PRELID2: variants seen among roughly 807,000 people sequenced by gnomAD.
PRELID2 encodes PRELI domain-containing protein 2.
PRELID2 carries 25 observed loss-of-function variants against 28.4 expected under a neutral mutation model. The observed-to-expected ratio is 0.88, with a 90% CI of 0.64 to 1.23. PRELID2 has a LOEUF of 1.23. Ranked by LOEUF, PRELID2 falls within the 50% of genes most tolerant of loss-of-function variation. The pLI is 0.00. For synonymous variants in PRELID2, 76 were observed against 71.6 expected, an observed-to-expected ratio of 1.06 and a Z score of -0.31; for missense variants, 201 against 214.4, an observed-to-expected ratio of 0.94 and a Z score of 0.39.
downstream of PRELID2, among the ~76,000 whole-genome samples, chr5:145,468,065 G>A (rs1004803899): frequency 5.3e-5 from 8 of 151,680 alleles, no homozygotes; most frequent in African/African-American, 9.7e-5. Context: ...ATCCCTCCCC[G>A]CTCTCCCAAC....
intron 1 of PRELID2, among the ~76,000 whole-genome samples, chr5:145,694,478 T>C (rs1203378013): frequency 1.3e-5 from 2 of 152,198 alleles, no homozygotes; most frequent in African/African-American, 4.8e-5. Context: ...TAAAACACCA[T>C]GTTTAAAAAG....
At chr5:145,367,582 C>T in the PRELID2 span, among the ~76,000 whole-genome samples, 1 of 151,850 alleles carries the variant, frequency 6.6e-6, no homozygotes, top group Non-Finnish European at 1.5e-5. Flanking sequence ...AGTTTTATTG[C>T]ACTAAAAATC....
chr5:145,459,830 G>C, the PRELID2 span, among the ~76,000 whole-genome samples: 4 of 83,158 alleles, frequency 4.8e-5, no homozygotes, highest in African/African-American at 2.1e-4. Flanking sequence ...TTTTTTTTTT[G>C]ACAGAGTCTT....
chr5:145,299,997 T>C, the PRELID2 span, among the ~76,000 whole-genome samples: 6 of 152,122 alleles, frequency 3.9e-5, no homozygotes, highest in African/African-American at 1.4e-4. Flanking sequence ...CTTTTTTCAT[T>C]TCATTATGAA....
rs566066535 is a variant in PRELID2 at position 145,762,658 on chromosome 5, G to A, written c.*11-2133C>T. Among the ~76,000 whole-genome samples, 202 of 152,238 alleles carry A rather than the reference G, an allele frequency of 1.3e-3. 6 individuals carry two copies. In the South Asian group the frequency reaches 0.038, roughly 28 times the overall value. ...TTAAATCCAAACTGATTTAAAGTAC[G>A]AGTTGATGTGAATCTCACCTCCCCT... is the stretch of plus-strand genomic sequence containing the variant. On this transcript the variant is annotated intron_variant, in intron 6 of 6. Coordinates refer to ENST00000683046, the MANE Select transcript of PRELID2 (RefSeq NM_205846.3).
At chr5:145,423,116 G>C in the PRELID2 span, among the ~76,000 whole-genome samples, 58 of 152,036 alleles carry the variant, frequency 3.8e-4, no homozygotes, top group African/African-American at 1.3e-3. Context: ...CTGTTAGTCT[G>C]ATGGGCTTCC....
At chr5:145,770,988 A>G (rs1256908401) in intron 5 of PRELID2, among the ~76,000 whole-genome samples, 1 of 152,180 alleles carries the variant, frequency 6.6e-6, no homozygotes, top group Non-Finnish European at 1.5e-5. Context: ...AAGGGTTTAT[A>G]AATCTGTAGT....
the PRELID2 span, among the ~76,000 whole-genome samples, chr5:145,391,357 C>T: frequency 2.0e-5 from 3 of 152,196 alleles, no homozygotes; most frequent in Admixed American, 1.3e-4. Context: ...GGGTTTGCAC[C>T]CTCTGAAGCA....
intron 1 of PRELID2, among the ~76,000 whole-genome samples, chr5:145,664,602 CTT>C (rs1754554037): frequency 6.6e-6 from 1 of 152,098 alleles, no homozygotes; most frequent in Non-Finnish European, 1.5e-5. Flanking sequence ...TAATCTAACT[CTT>C]TGAGCCAGCA....
intron 5 of PRELID2, among the ~76,000 whole-genome samples, chr5:145,788,280 T>C (rs904259444): frequency 6.6e-6 from 1 of 152,240 alleles, no homozygotes; most frequent in Admixed American, 6.5e-5. Flanking sequence ...TCAAGGCCTA[T>C]TAAAAGCTAA....
chr5:145,473,813 A>T (rs1201220734), intron 1 of PRELID2, among the ~76,000 whole-genome samples: 1 of 152,196 alleles, frequency 6.6e-6, no homozygotes, highest in Non-Finnish European at 1.5e-5. Flanking sequence ...TCTTATCTGT[A>T]AAATAAGTTT....
At chr5:145,519,022 T>C (rs1389784639) in intron 1 of PRELID2, among the ~76,000 whole-genome samples, 3 of 152,228 alleles carry the variant, frequency 2.0e-5, no homozygotes, top group African/African-American at 7.2e-5. Context: ...GCCACTGTCT[T>C]TAACTTGCCA....
the PRELID2 span, among the ~76,000 whole-genome samples, chr5:145,257,314 T>C: frequency 6.6e-6 from 1 of 152,048 alleles, no homozygotes; most frequent in African/African-American, 2.4e-5. Context: ...TGAAAGTAGA[T>C]GAGGAGAAAT....
At chr5:145,829,970 A>G (rs1755474808) in intron 1 of PRELID2, among the ~76,000 whole-genome samples, 1 of 152,242 alleles carries the variant, frequency 6.6e-6, no homozygotes, top group Admixed American at 6.5e-5. Context: ...GCCAAAATAA[A>G]TAACACCCAG....
chr5:145,444,769 G>T, the PRELID2 span, among the ~76,000 whole-genome samples: 2 of 151,864 alleles, frequency 1.3e-5, no homozygotes, highest in Non-Finnish European at 2.9e-5. Flanking sequence ...GTGCCCGTTC[G>T]TCCACTTATT....
At chr5:145,506,276 C>T (rs2126637487) in intron 1 of PRELID2, among the ~76,000 whole-genome samples, 1 of 152,204 alleles carries the variant, frequency 6.6e-6, no homozygotes, top group African/African-American at 2.4e-5. Flanking sequence ...CAAGTTTATT[C>T]CCAGTTCAGA....
At chr5:145,738,252 T>G (rs749064188) in intron 1 of PRELID2, among the ~76,000 whole-genome samples, 1 of 151,762 alleles carries the variant, frequency 6.6e-6, no homozygotes, top group Non-Finnish European at 1.5e-5. Context: ...TTAAATAAGA[T>G]TCATAACATA....
At chr5:145,293,817 T>C in the PRELID2 span, among the ~76,000 whole-genome samples, 2 of 152,284 alleles carry the variant, frequency 1.3e-5, no homozygotes, top group South Asian at 2.1e-4. Context: ...AGTAACCAGA[T>C]GCTGGGATTA....
At chr5:145,232,162 C>T in the PRELID2 span, among the ~76,000 whole-genome samples, 2 of 151,922 alleles carry the variant, frequency 1.3e-5, no homozygotes, top group African/African-American at 4.8e-5. Context: ...TCTAGCATTC[C>T]CAGAGTACAG....
Sources: allele counts gnomAD v4.1 joint callset (sites outside exome capture counted in the v4.1 genomes callset), GRCh38; gene constraint gnomAD v4.1.1; transcripts MANE v1.5; gene names NCBI Gene and HGNC (gene_info 2026-07-23, HGNC 2026-07-21).